Variants in ANKRD6 observed in about 807,000 individuals in gnomAD.
ANKRD6 encodes ankyrin repeat domain 6, also known as ankyrin repeat domain-containing protein 6.
Under a neutral mutation model 82.3 loss-of-function variants are expected in ANKRD6, and 56 were observed. The ratio of observed to expected loss-of-function variants is 0.68; its 90% CI spans 0.55 to 0.85. The LOEUF is 0.85. Ranked by LOEUF, ANKRD6 falls within the 40% of genes least tolerant of loss-of-function variation. The pLI is 0.00. For synonymous variants in ANKRD6, 347 were observed against 352.1 expected, an observed-to-expected ratio of 0.99 and a Z score of 0.16; for missense variants, 852 against 907.6, an observed-to-expected ratio of 0.94 and a Z score of 0.79.
intron 1 of ANKRD6, among the ~76,000 whole-genome samples, chr6:89,529,264 T>G (rs1341015231): frequency 6.6e-6 from 1 of 152,254 alleles, no homozygotes; most frequent in East Asian, 1.9e-4. Flanking sequence ...CTTAGATAAC[T>G]TACTGTAACT....
At chr6:89,485,930 A>G (rs148232735) in intron 1 of ANKRD6, among the ~76,000 whole-genome samples, 11 of 152,364 alleles carry the variant, frequency 7.2e-5, no homozygotes, top group African/African-American at 2.4e-4. Flanking sequence ...ACAGTGTTCT[A>G]TTACCTGAAG....
chr6:89,556,848 T>G (rs1291296702), intron 1 of ANKRD6, among the ~76,000 whole-genome samples: 1 of 152,220 alleles, frequency 6.6e-6, no homozygotes, highest in Non-Finnish European at 1.5e-5. Flanking sequence ...CTATTTTACA[T>G]GTGCAGAAAC....
chr6:89,535,751 T>C (rs905391816), intron 1 of ANKRD6, among the ~76,000 whole-genome samples: 2 of 152,216 alleles, frequency 1.3e-5, no homozygotes, highest in African/African-American at 4.8e-5. Context: ...TTCTTGAAGC[T>C]AGGGAGGCAG....
chr6:89,626,857 T>C (rs1192401446), intron 13 of ANKRD6, among the ~76,000 whole-genome samples: 1 of 152,218 alleles, frequency 6.6e-6, no homozygotes, highest in Non-Finnish European at 1.5e-5. Context: ...CCTTCTACAC[T>C]CTTCTTACGT....
At position 89,631,115 on chromosome 6, in the gene ANKRD6, T is replaced by G; in HGVS notation, c.*111T>G. 2 of 1,406,484 alleles carry G rather than the reference T, an allele frequency of 1.4e-6. No individual in the cohort carries two copies. Among genetic ancestry groups the G allele is most frequent in the Non-Finnish European group, 1.8e-6 (2 of 1,084,738 alleles). 87.1% of individuals were successfully genotyped at this position (1,406,484 alleles called of 1,614,324 possible). On this transcript the variant is annotated 3_prime_UTR_variant, in exon 16 of 16. Coordinates refer to ENST00000339746, the MANE Select transcript of ANKRD6 (RefSeq NM_001242809.2). ...TGTATATATTGCAGATTTGCCTTTTTAAAAAAATCACTAATTCTACAATGT... is the reference window on the plus strand; with the variant it reads ...TGTATATATTGCAGATTTGCCTTTTGAAAAAAATCACTAATTCTACAATGT...
chr6:89,537,994 T>G (rs1310287297), intron 1 of ANKRD6, among the ~76,000 whole-genome samples: 1 of 152,160 alleles, frequency 6.6e-6, no homozygotes, highest in Non-Finnish European at 1.5e-5. Context: ...CAGCATGTCA[T>G]TTCATCCTCA....
intron 9 of ANKRD6, chr6:89,621,597 G>A (rs1210035468): frequency 1.1e-5 from 3 of 281,236 alleles, no homozygotes; most frequent in Non-Finnish European, 2.1e-5. Flanking sequence ...CCTAGTTTAT[G>A]TGAATGGCAC....
chr6:89,520,848 T>G (rs1219359529), intron 1 of ANKRD6, among the ~76,000 whole-genome samples: 1 of 152,140 alleles, frequency 6.6e-6, no homozygotes, highest in East Asian at 1.9e-4. Flanking sequence ...ACACTTGTAA[T>G]CCCAGCATAT....
chr6:89,567,486 C>G (rs1475428193), intron 2 of ANKRD6, among the ~76,000 whole-genome samples: 1 of 152,060 alleles, frequency 6.6e-6, no homozygotes, highest in Non-Finnish European at 1.5e-5. Context: ...TCATTGTCCC[C>G]GTCTGTATGA....
chr6:89,571,434 A>G (rs1465426318), intron 2 of ANKRD6, among the ~76,000 whole-genome samples: 1 of 151,998 alleles, frequency 6.6e-6, no homozygotes, highest in Non-Finnish European at 1.5e-5. Context: ...CTTGTTTGCC[A>G]TTTGTGTATC....
chr6:89,445,264 C>CTTTT (rs1227274602), intron 1 of ANKRD6, among the ~76,000 whole-genome samples: 1,734 of 63,780 alleles, frequency 0.027, 2 homozygotes, highest in Non-Finnish European at 0.034. Flanking sequence ...AGAGATCTTT[C>CTTTT]TTTTTTTTTT....
intron 1 of ANKRD6, among the ~76,000 whole-genome samples, chr6:89,512,514 G>C (rs1015466249): frequency 6.6e-6 from 1 of 152,202 alleles, no homozygotes; most frequent in African/African-American, 2.4e-5. Context: ...GGGTTTTGGG[G>C]ATCCCATACT....
At chr6:89,459,542 A>G (rs1773880245) in intron 1 of ANKRD6, among the ~76,000 whole-genome samples, 1 of 151,742 alleles carries the variant, frequency 6.6e-6, no homozygotes, top group Non-Finnish European at 1.5e-5. Flanking sequence ...GGATTTCACC[A>G]GCCTTGTAAG....
chr6:89,618,053 A>C, intron 9 of ANKRD6, 22 bp downstream of exon 9: 1 of 1,612,948 alleles, frequency 6.2e-7, no homozygotes, highest in Non-Finnish European at 8.5e-7. Context: ...TGCCCTTTCC[A>C]TGGTACTGAT....
At chr6:89,454,355 T>C (rs918799863) in intron 1 of ANKRD6, among the ~76,000 whole-genome samples, 1 of 152,358 alleles carries the variant, frequency 6.6e-6, no homozygotes, top group African/African-American at 2.4e-5. Context: ...CTTTCATCTT[T>C]GTTGGCCAGT....
At chr6:89,630,308 T>C (rs1030067499) in intron 15 of ANKRD6, 125 bp from the exon 16 acceptor site, 10 of 1,121,326 alleles carry the variant, frequency 8.9e-6, no homozygotes, top group Admixed American at 5.7e-5. Context: ...ACGTTACACA[T>C]GGTGGGTGGT....
At chr6:89,445,510 A>T (rs897703194) in intron 1 of ANKRD6, among the ~76,000 whole-genome samples, 1 of 151,920 alleles carries the variant, frequency 6.6e-6, no homozygotes, top group Non-Finnish European at 1.5e-5. Context: ...GCAGTCAAGC[A>T]ATCTCTGCTC....
At chr6:89,609,613 CG>C in intron 5 of ANKRD6, among the ~76,000 whole-genome samples, 1 of 151,210 alleles carries the variant, frequency 6.6e-6, no homozygotes, top group South Asian at 2.1e-4. Context: ...GTAATCACCA[CG>C]TTTTTTTGTT....
At chr6:89,497,581 T>C (rs2224727) in intron 1 of ANKRD6, among the ~76,000 whole-genome samples, 76,080 of 151,980 alleles carry the variant, frequency 0.5, 19,791 homozygotes, top group African/African-American at 0.63. Flanking sequence ...CTAAATTGTG[T>C]CTTTTAAACA....
Sources: gnomAD v4.1 joint callset for allele counts (sites outside exome capture counted in the v4.1 genomes callset) on GRCh38, gnomAD v4.1.1 for gene constraint, MANE v1.5 for transcripts, NCBI Gene and HGNC (gene_info 2026-07-23, HGNC 2026-07-21) for gene names.